ATP13A4: variants seen among roughly 807,000 people sequenced by gnomAD.
ATP13A4 encodes the protein probable cation-transporting ATPase 13A4.
A neutral mutation model predicts 142.5 loss-of-function variants in ATP13A4; 114 were observed. The ratio of observed to expected loss-of-function variants is 0.80; its 90% confidence interval spans 0.69 to 0.93. ATP13A4 has a LOEUF of 0.93. Ranked by LOEUF, ATP13A4 falls within the 40% of genes least tolerant of loss-of-function variation. The pLI is 0.00. For missense variants in ATP13A4, 1,392 were observed against 1,454.0 expected (o/e 0.96, Z 0.69); for synonymous variants, 488 against 514.8 (o/e 0.95, Z 0.70).
chr3:193,485,401 C>T (rs1397928411), intron 7 of ATP13A4, among the ~76,000 whole-genome samples: 1 of 152,134 alleles, frequency 6.6e-6, no homozygotes, highest in Non-Finnish European at 1.5e-5. Context: ...GAATGTCCCA[C>T]AGGGGCTGAG....
chr3:193,460,284 T>C (rs943843677), intron 13 of ATP13A4, among the ~76,000 whole-genome samples: 10 of 152,232 alleles, frequency 6.6e-5, no homozygotes, highest in African/African-American at 2.4e-4. Flanking sequence ...GTTCCTAAAT[T>C]TGTCATTGTC....
intron 29 of ATP13A4, among the ~76,000 whole-genome samples, chr3:193,404,342 G>A (rs1001826095): frequency 2.6e-5 from 4 of 152,150 alleles, no homozygotes; most frequent in African/African-American, 9.7e-5. Flanking sequence ...TCTGGACTCT[G>A]ATGACCTGTA....
chr3:193,497,197 C>T (rs1720290296), intron 3 of ATP13A4, among the ~76,000 whole-genome samples: 1 of 152,044 alleles, frequency 6.6e-6, no homozygotes, highest in African/African-American at 2.4e-5. Flanking sequence ...ATCCAGAATA[C>T]ATAAGGAACT....
chr3:193,470,250 AC>A (rs1309604681), intron 9 of ATP13A4, among the ~76,000 whole-genome samples: 1 of 152,194 alleles, frequency 6.6e-6, no homozygotes, highest in African/African-American at 2.4e-5. Flanking sequence ...ACCTCTCTGG[AC>A]CTCAGTTGCC....
In ATP13A4 at chr3:193,489,875, A is replaced by G. The variant is rs1219207894; in HGVS notation, c.604-11T>C. 72 of 1,611,648 alleles carry G rather than the reference A, an allele frequency of 4.5e-5. No individual in the cohort carries two copies. The highest frequency in any genetic ancestry group is 5.9e-5 in the Non-Finnish European group (70 of 1,178,394). On this transcript the variant is annotated splice_polypyrimidine_tract_variant and intron_variant, in intron 6 of 29. Transcript: ENST00000342695. Reference sequence around the variant, plus strand: ...AAATGGATTTAGAACCTGTTGGCAGACATAAAAACAGGAAGACAAGGGAGA... The same window carrying G: ...AAATGGATTTAGAACCTGTTGGCAGGCATAAAAACAGGAAGACAAGGGAGA...
chr3:193,584,437 T>G (rs7627228), intron 1 of ATP13A4, among the ~76,000 whole-genome samples: 79,478 of 151,986 alleles, frequency 0.52, 21,509 homozygotes, highest in African/African-American at 0.65. Context: ...ATAATAAATT[T>G]GTTCTGTTTT....
intron 9 of ATP13A4, among the ~76,000 whole-genome samples, chr3:193,468,086 GGA>G (rs1718408013): frequency 6.6e-6 from 1 of 152,130 alleles, no homozygotes; most frequent in African/African-American, 2.4e-5. Flanking sequence ...GGCTGAGGCA[GGA>G]GACTCGCTTG....
At chr3:193,567,780 C>A (rs1289300906) in intron 2 of ATP13A4, among the ~76,000 whole-genome samples, 1 of 151,994 alleles carries the variant, frequency 6.6e-6, no homozygotes, top group East Asian at 1.9e-4. Flanking sequence ...TGGTTTCTTT[C>A]CTCCCCACCA....
Position 193,456,830 on chromosome 3 carries a change from T to TACAGGAAATGAGAAAG in ATP13A4, c.1915+154_1915+169dup, listed in dbSNP as rs1267824154. ...TGCACCAAAATAGGAAACTGGGAAA[T>TACAGGAAATGAGAAAG]ACAGGAAATGAGAAAGACACGCTTG... is the stretch of plus-strand genomic sequence containing the variant. On this transcript the variant is annotated intron_variant, in intron 16 of 29. Transcript: ENST00000342695. Among the ~76,000 whole-genome samples, 7 of 151,882 alleles carry TACAGGAAATGAGAAAG rather than the reference T, an allele frequency of 4.6e-5. No homozygotes were observed. The East Asian group carries it at 1.3e-3, about 29-fold the overall frequency.
chr3:193,570,360 C>T (rs1420952934), intron 2 of ATP13A4, among the ~76,000 whole-genome samples: 4 of 152,098 alleles, frequency 2.6e-5, no homozygotes, highest in African/African-American at 9.7e-5. Flanking sequence ...TAATATATGC[C>T]TAAATTGTTG....
At chr3:193,436,821 G>C (rs754193417) in intron 23 of ATP13A4, among the ~76,000 whole-genome samples, 4 of 139,828 alleles carry the variant, frequency 2.9e-5, no homozygotes, top group Non-Finnish European at 5.9e-5. Context: ...CCTGATCCCC[G>C]GGGCCGGGCG....
chr3:193,550,563 C>T (rs1470674729), intron 1 of ATP13A4, among the ~76,000 whole-genome samples: 1 of 152,204 alleles, frequency 6.6e-6, no homozygotes, highest in Admixed American at 6.5e-5. Context: ...GCCTCAGCCT[C>T]CCAAAGTGCC....
In ATP13A4 at chr3:193,572,415, T is replaced by TA. The variant is rs1724286343; in HGVS notation, n.291+9291_291+9292insT. On this transcript the variant is annotated intron_variant and non_coding_transcript_variant, in intron 2 of 3. Transcript: ENST00000489140. ...TAATTGAGAACTACCTATTTTAAAC[T>TA]TACAGCAGTCTTGCCTTTGTTTATT... Among the ~76,000 whole-genome samples the TA allele has an allele frequency of 9.2e-5, 14 of 152,352 alleles. 1 individual carries two copies. In the South Asian group the frequency reaches 1.2e-3, roughly 14 times the overall value.
chr3:193,538,924 TG>T (rs1722735319), intron 1 of ATP13A4, among the ~76,000 whole-genome samples: 1 of 149,246 alleles, frequency 6.7e-6, no homozygotes, highest in South Asian at 2.1e-4. Context: ...GATGGAGTTT[TG>T]GTCTTGTGCC....
chr3:193,408,504 G>C (rs12637170), intron 28 of ATP13A4, among the ~76,000 whole-genome samples: 7,916 of 152,258 alleles, frequency 0.052, 406 homozygotes, highest in East Asian at 0.18. Flanking sequence ...GCAAGGTGCA[G>C]GACAATGTAT....
At chr3:193,512,440 C>G (rs1315521941) in intron 2 of ATP13A4, among the ~76,000 whole-genome samples, 1 of 152,086 alleles carries the variant, frequency 6.6e-6, no homozygotes, top group Non-Finnish European at 1.5e-5. Flanking sequence ...AAATATATAC[C>G]ATCTGAGCCA....
intron 1 of ATP13A4, among the ~76,000 whole-genome samples, chr3:193,527,409 C>G (rs373065533): frequency 6.6e-6 from 1 of 151,956 alleles, no homozygotes; most frequent in Non-Finnish European, 1.5e-5. Context: ...GAGGTCAGTT[C>G]GAGACTAGTC....
At chr3:193,445,689 G>A (rs144545833) in intron 18 of ATP13A4, among the ~76,000 whole-genome samples, 2,038 of 152,070 alleles carry the variant, frequency 0.013, 41 homozygotes, top group African/African-American at 0.039. Context: ...CCCGGGAGTC[G>A]GAGGTTGCAC....
At chr3:193,560,267 G>A (rs1723986567) in intron 2 of ATP13A4, among the ~76,000 whole-genome samples, 1 of 151,660 alleles carries the variant, frequency 6.6e-6, no homozygotes, top group Non-Finnish European at 1.5e-5. Context: ...GGAGTGCAGA[G>A]GTGCAATCAT....
Sources: gnomAD v4.1 joint callset for allele counts (sites outside exome capture counted in the v4.1 genomes callset) on GRCh38, gnomAD v4.1.1 for gene constraint, MANE v1.5 for transcripts, NCBI Gene and HGNC (gene_info 2026-07-23, HGNC 2026-07-21) for gene names.